The following STX8 variants were observed in gnomAD, a reference collection of about 807,000 sequenced individuals.
The protein encoded by STX8 is syntaxin 8.
STX8 carries 23 observed loss-of-function variants against 37.5 expected under a neutral mutation model. That is an observed-to-expected ratio of 0.61 (90% CI 0.44 to 0.87). STX8 has a LOEUF of 0.87. Among genes scored for constraint, STX8 ranks in the 40% least tolerant of loss-of-function variants. The probability of loss-of-function intolerance (pLI) is 0.00; values close to 1 mark genes in which losing one functional copy is unlikely to be tolerated. For synonymous variants in STX8, 115 were observed against 99.1 expected (o/e 1.16, Z -0.95); for missense variants, 313 against 284.7 (o/e 1.10, Z -0.71).
At chr17:9,378,819 GA>G (rs530518542) in intron 6 of STX8, among the ~76,000 whole-genome samples, 166 bp from the exon 7 acceptor site, 21 of 146,194 alleles carry the variant, frequency 1.4e-4, no homozygotes, top group Admixed American at 9.6e-4. Context: ...ATTGTAAAAG[GA>G]AAAAAAAAAG....
chr17:9,400,103 A>G (rs370946882), intron 6 of STX8, among the ~76,000 whole-genome samples: 2 of 104,590 alleles, frequency 1.9e-5, no homozygotes, highest in African/African-American at 3.8e-5. Context: ...ATTTGTTGTT[A>G]TTATTTTTTT....
intron 6 of STX8, among the ~76,000 whole-genome samples, chr17:9,456,869 C>T (rs1905199668): frequency 6.6e-6 from 1 of 152,134 alleles, no homozygotes; most frequent in Non-Finnish European, 1.5e-5. Flanking sequence ...AGCCCTGCTT[C>T]TTTAGATGTG....
rs192348232 is a variant in STX8, at chr17:9,376,847, G to T, written c.643+1705C>A. On this transcript the variant is annotated intron_variant, in intron 7 of 7. Transcript: ENST00000306357. ...TCATTCTTGAAGTCAGCGAGACCAAGAACCCACCTGAAGGAACCAATTCCG... is the reference window on the plus strand; with the variant it reads ...TCATTCTTGAAGTCAGCGAGACCAATAACCCACCTGAAGGAACCAATTCCG... Among the ~76,000 whole-genome samples the T allele has an allele frequency of 1.7e-3, 261 of 152,330 alleles. 1 individual carries two copies. The highest frequency in any genetic ancestry group is 5.5e-3 in the African/African-American group (228 of 41,578).
At chr17:9,276,629 T>G (rs1396834964) in intron 7 of STX8, among the ~76,000 whole-genome samples, 2 of 115,466 alleles carry the variant, frequency 1.7e-5, no homozygotes, top group South Asian at 3.2e-4. Flanking sequence ...TATTTGTTTG[T>G]TTTTTTTTTT....
chr17:9,490,825 T>G (rs1199058510), intron 6 of STX8, among the ~76,000 whole-genome samples: 1 of 152,238 alleles, frequency 6.6e-6, no homozygotes, highest in Non-Finnish European at 1.5e-5. Context: ...AGACCTGAGC[T>G]GGAGTTTAGC....
At chr17:9,528,485 A>T (rs565225692) in intron 4 of STX8, among the ~76,000 whole-genome samples, 2 of 152,110 alleles carry the variant, frequency 1.3e-5, no homozygotes, top group African/African-American at 4.8e-5. Context: ...TTTAGTAGAG[A>T]TGTATTTAGT....
At chr17:9,431,923 C>A (rs1913999697) in intron 6 of STX8, among the ~76,000 whole-genome samples, 1 of 152,126 alleles carries the variant, frequency 6.6e-6, no homozygotes, top group African/African-American at 2.4e-5. Flanking sequence ...TTTTGTAATG[C>A]TGTGACTATC....
intron 6 of STX8, among the ~76,000 whole-genome samples, chr17:9,450,015 T>G (rs9916318): frequency 6.6e-6 from 1 of 151,544 alleles, no homozygotes; most frequent in Non-Finnish European, 1.5e-5. Flanking sequence ...TGGACTTGTT[T>G]TATATCTCAA....
chr17:9,377,867 C>G (rs959964286), intron 7 of STX8: 3 of 152,218 alleles, frequency 2.0e-5, no homozygotes, highest in Admixed American at 6.5e-5. Flanking sequence ...CTATTCCCAT[C>G]ATTTATCATC....
At chr17:9,568,701 C>T (rs888992934) in intron 1 of STX8, among the ~76,000 whole-genome samples, 2 of 152,118 alleles carry the variant, frequency 1.3e-5, no homozygotes, top group East Asian at 1.9e-4. Flanking sequence ...GAGGTTTCAC[C>T]GTGTTAGCCA....
intron 6 of STX8, among the ~76,000 whole-genome samples, chr17:9,400,891 C>G (rs1431828620): frequency 6.6e-6 from 1 of 152,134 alleles, no homozygotes; most frequent in African/African-American, 2.4e-5. Context: ...TAACGTTTCC[C>G]CCCTCACAAT....
intron 6 of STX8, among the ~76,000 whole-genome samples, chr17:9,484,384 CAAA>C (rs58573668): frequency 7.1e-5 from 5 of 70,076 alleles, no homozygotes; most frequent in Non-Finnish European, 9.4e-5. Flanking sequence ...AACCTAAGCT[CAAA>C]AAAAAAAAAA....
intron 6 of STX8, among the ~76,000 whole-genome samples, chr17:9,419,529 T>C (rs927393026): frequency 2.0e-5 from 3 of 152,118 alleles, no homozygotes; most frequent in African/African-American, 7.2e-5. Context: ...AGGGTGGAAG[T>C]TGAATTTCAA....
At chr17:9,422,683 T>A (rs1354277049) in intron 6 of STX8, among the ~76,000 whole-genome samples, 1 of 152,262 alleles carries the variant, frequency 6.6e-6, no homozygotes, top group Non-Finnish European at 1.5e-5. Context: ...ACATTCTGTT[T>A]CTGCAGCAAT....
chr17:9,343,234 C>T lies in STX8; in HGVS notation c.643+35318G>A, dbSNP rs765834903. 4.6e-5 allele frequency among the ~76,000 whole-genome samples: 7 copies of T among 152,026 alleles called. No individual in the cohort carries two copies. In the East Asian group the frequency reaches 9.7e-4, roughly 21 times the overall value. ...TAGAAACCAAACCACACTGTTGCCCCGGGTACTCTCAACCACTCCAAGTTT... is the reference window on the plus strand; with the variant it reads ...TAGAAACCAAACCACACTGTTGCCCTGGGTACTCTCAACCACTCCAAGTTT... On this transcript the variant is annotated intron_variant, in intron 7 of 7. Transcript: ENST00000306357.
At chr17:9,517,744 A>C (rs1178028813) in intron 4 of STX8, among the ~76,000 whole-genome samples, 1 of 145,984 alleles carries the variant, frequency 6.9e-6, no homozygotes, top group Non-Finnish European at 1.5e-5. Flanking sequence ...GTTTGAGCCC[A>C]AGAGTTCAAG....
At chr17:9,569,475 G>A (rs73975734) in intron 1 of STX8, 3,542 of 154,076 alleles carry the variant, frequency 0.023, 141 homozygotes, top group African/African-American at 0.081. Context: ...CAAATGCTCC[G>A]GGGACAAAGG....
At chr17:9,487,552 C>T (rs925901404) in intron 6 of STX8, among the ~76,000 whole-genome samples, 12 of 152,150 alleles carry the variant, frequency 7.9e-5, no homozygotes, top group Non-Finnish European at 1.3e-4. Flanking sequence ...TGACTCTGCC[C>T]TATCTCCGAG....
At position 9,412,433 on chromosome 17, in the gene STX8, C is replaced by T. The variant is rs564332446; in HGVS notation, c.542-33780G>A. On this transcript the variant is annotated intron_variant, in intron 6 of 7. Transcript: ENST00000306357. ...TAGCTGGGATTACAGGCATGCACCA[C>T]CACACCCAGCTAATTTTGTATTTTT... Among the ~76,000 whole-genome samples, 524 of 152,212 alleles carry T rather than the reference C, an allele frequency of 3.4e-3. 3 individuals are homozygous for T. Among genetic ancestry groups the T allele is most frequent in the Non-Finnish European group, 3.6e-3 (247 of 68,012 alleles).
Sources: gnomAD v4.1 joint callset for allele counts (sites outside exome capture counted in the v4.1 genomes callset) on GRCh38, gnomAD v4.1.1 for gene constraint, MANE v1.5 for transcripts, NCBI Gene and HGNC (gene_info 2026-07-23, HGNC 2026-07-21) for gene names.